PIGU: variants seen among roughly 807,000 people sequenced by gnomAD.
PIGU encodes GPI-anchor transamidase component PIGU.
A neutral mutation model predicts 49.9 loss-of-function variants in PIGU; 24 were observed. The ratio of observed to expected loss-of-function variants is 0.48; its 90% CI spans 0.35 to 0.68. The LOEUF is 0.68. PIGU is among the 30% of genes least tolerant of loss of function. The pLI is 0.01. For synonymous variants in PIGU, 220 were observed against 205.7 expected, an observed-to-expected ratio of 1.07 and a Z score of -0.59; for missense variants, 490 against 532.6, an observed-to-expected ratio of 0.92 and a Z score of 0.79.
At chr20:34,592,188 C>CA (rs759695806) in intron 7 of PIGU, among the ~76,000 whole-genome samples, 964 of 76,972 alleles carry the variant, frequency 0.013, 7 homozygotes, top group African/African-American at 0.024. Flanking sequence ...GACTCCGTCT[C>CA]AAAAAAAAAA....
At chr20:34,666,900 G>A (rs1245980792) in intron 1 of PIGU, among the ~76,000 whole-genome samples, 3 of 151,726 alleles carry the variant, frequency 2.0e-5, no homozygotes, top group African/African-American at 4.8e-5. Context: ...AGGTTTCACC[G>A]TATTAGCCAG....
intron 10 of PIGU, among the ~76,000 whole-genome samples, chr20:34,578,661 C>T (rs934703517): frequency 3.9e-5 from 6 of 152,208 alleles, no homozygotes; most frequent in African/African-American, 1.4e-4. Context: ...GCTAGAGAAC[C>T]ATCACCAGCA....
Position 34,585,474 on chromosome 20 carries a change from C to T in PIGU, c.889G>A (p.Val297Ile), listed in dbSNP as rs577900938. The T allele has an allele frequency of 8.1e-6, 13 of 1,614,054 alleles. No homozygotes were observed. In the Admixed American group the frequency reaches 1.2e-4, roughly 14 times the overall value. The change falls in exon 9 of 12, where the codon GTC becomes ATC. Residue 297 changes from valine to isoleucine, a missense_variant. Transcript: ENST00000217446. ...LFFVCVFQIN[V>I]FFYTIPLAIK... is the part of the protein sequence containing the mutation. ...GCTAAGGGGATGGTGTAGAAGAAGA[C>T]GTTGATCTGAAACACACATACAAAG... is the stretch of plus-strand genomic sequence containing the variant.
chr20:34,667,372 T>C (rs1426769711), intron 1 of PIGU, among the ~76,000 whole-genome samples: 1 of 151,934 alleles, frequency 6.6e-6, no homozygotes, highest in African/African-American at 2.4e-5. Flanking sequence ...CATTCTCTAA[T>C]AAAAGGAGCC....
intron 11 of PIGU, among the ~76,000 whole-genome samples, chr20:34,567,685 T>C (rs1009524653): frequency 8.5e-5 from 13 of 152,142 alleles, no homozygotes; most frequent in Non-Finnish European, 1.8e-4. Flanking sequence ...AAGAGGCCCT[T>C]GAAGGCCTGT....
At chr20:34,595,214 C>A (rs1042584442) in intron 7 of PIGU, among the ~76,000 whole-genome samples, 2 of 151,952 alleles carry the variant, frequency 1.3e-5, no homozygotes, top group African/African-American at 4.8e-5. Context: ...GACAGCCCTC[C>A]ATATCCATGG....
chr20:34,598,880 C>T (rs949641620), intron 7 of PIGU, among the ~76,000 whole-genome samples: 1 of 152,154 alleles, frequency 6.6e-6, no homozygotes, highest in African/African-American at 2.4e-5. Context: ...CGCTTTGTTG[C>T]CCAGGCTGGT....
At chr20:34,659,428 G>T (rs1282370249) in intron 1 of PIGU, among the ~76,000 whole-genome samples, 27 of 144,326 alleles carry the variant, frequency 1.9e-4, no homozygotes, top group African/African-American at 3.6e-4. Flanking sequence ...GGAGGGAGGT[G>T]GGGGGGTCAG....
At chr20:34,565,675 T>C (rs1208390938) in intron 11 of PIGU, among the ~76,000 whole-genome samples, 1 of 151,642 alleles carries the variant, frequency 6.6e-6, no homozygotes, top group African/African-American at 2.4e-5. Context: ...CTTCTCAGAC[T>C]TGCCCTCTTC....
At chr20:34,648,090 A>G (rs371236076) in intron 2 of PIGU, among the ~76,000 whole-genome samples, 27 of 152,096 alleles carry the variant, frequency 1.8e-4, no homozygotes, top group Middle Eastern at 3.4e-3. Context: ...CCTCTACAAA[A>G]TATTTAAAAA....
chr20:34,659,293 A>G (rs1986846864), intron 1 of PIGU, among the ~76,000 whole-genome samples: 1 of 142,108 alleles, frequency 7.0e-6, no homozygotes. Flanking sequence ...CCCGTCCGGG[A>G]GGGAGGTGGG....
intron 9 of PIGU, 131 bp from the exon 10 acceptor site, chr20:34,581,803 C>G: frequency 8.1e-7 from 1 of 1,229,090 alleles, no homozygotes; most frequent in Non-Finnish European, 1.1e-6. Flanking sequence ...CTCTGCTATC[C>G]ACAAGGCATG....
intron 1 of PIGU, among the ~76,000 whole-genome samples, chr20:34,659,786 T>C (rs1038298474): frequency 6.6e-6 from 1 of 152,128 alleles, no homozygotes; most frequent in African/African-American, 2.4e-5. Context: ...ATGTGCTGTG[T>C]CCACTCAGGG....
intron 6 of PIGU, among the ~76,000 whole-genome samples, chr20:34,621,900 C>A (rs1318605292): frequency 6.6e-6 from 1 of 152,104 alleles, no homozygotes; most frequent in East Asian, 1.9e-4. Flanking sequence ...AGGAAGCAGA[C>A]CTAGCCCATC....
chr20:34,625,380 A>G (rs1038001994), intron 6 of PIGU, among the ~76,000 whole-genome samples: 1 of 151,710 alleles, frequency 6.6e-6, no homozygotes, highest in South Asian at 2.1e-4. Flanking sequence ...AAAAAAAAAA[A>G]AACAAAAAAA....
chr20:34,668,840 A>G (rs1051054981), intron 1 of PIGU, among the ~76,000 whole-genome samples: 11 of 150,854 alleles, frequency 7.3e-5, no homozygotes, highest in Non-Finnish European at 1.5e-4. Flanking sequence ...ATAGAACAGA[A>G]AAAAAATTAG....
At position 34,655,107 on chromosome 20, in the gene PIGU, G is replaced by A. The variant is rs1251369270; in HGVS notation, c.195+2073C>T. The stretch of plus-strand genomic sequence containing the variant: ...GGATTACTTGAGTGCAGGAGTTCAA[G>A]ACCAGCCTGGGCAACATAGCAAGAC... On this transcript the variant is annotated intron_variant, in intron 2 of 11. Transcript: ENST00000217446. 5.9e-5 allele frequency among the ~76,000 whole-genome samples: 7 copies of A among 118,706 alleles called. 2 individuals carry two copies. The highest frequency in any genetic ancestry group is 1.3e-4 in the Non-Finnish European group (7 of 55,948). The allele number at this position is 118,706 out of a possible 152,430, so 77.9% of individuals were successfully genotyped here. A position where few individuals can be genotyped will look rare whatever the true frequency, so the allele number is the denominator to read the frequency against.
chr20:34,566,763 C>G (rs1600583431), intron 11 of PIGU, among the ~76,000 whole-genome samples: 1 of 152,122 alleles, frequency 6.6e-6, no homozygotes, highest in Non-Finnish European at 1.5e-5. Flanking sequence ...AGGCCCAATC[C>G]TGAGTTCTTC....
rs11467880 is a variant in PIGU, at chr20:34,567,802, CCTCTCTCT to C, written c.1195-6831_1195-6824del. Among the ~76,000 whole-genome samples, 42 of 144,616 alleles carry C rather than the reference CCTCTCTCT, an allele frequency of 2.9e-4. No individual in the cohort carries two copies. In the Middle Eastern group the frequency reaches 0.01, roughly 36 times the overall value. The allele number at this position is 144,616 out of a possible 152,430, so 94.9% of individuals were successfully genotyped here. On this transcript the variant is annotated intron_variant, in intron 11 of 11. Coordinates refer to ENST00000217446, the MANE Select transcript of PIGU (RefSeq NM_080476.5). Reference sequence around the variant, plus strand: ...GTTCCTCCTTTGCTCCCTCCTTCCTCCTCTCTCTCTCTCTCTCTCTCTCTCTCCCTCCT... The same window carrying C: ...GTTCCTCCTTTGCTCCCTCCTTCCTCCTCTCTCTCTCTCTCTCTCCCTCCT...
Sources: gnomAD v4.1 joint callset for allele counts (sites outside exome capture counted in the v4.1 genomes callset) on GRCh38, gnomAD v4.1.1 for gene constraint, MANE v1.5 for transcripts, NCBI Gene and HGNC (gene_info 2026-07-23, HGNC 2026-07-21) for gene names.